The following GRK5 variants were observed in gnomAD, a reference collection of about 807,000 sequenced individuals.
The protein encoded by GRK5 is G protein-coupled receptor kinase 5.
GRK5 carries 40 observed loss-of-function variants against 78.4 expected under a neutral mutation model. That is an observed-to-expected ratio of 0.51 (90% CI 0.40 to 0.66). The LOEUF (loss-of-function observed/expected upper bound fraction) is 0.66, where lower values mean the gene tolerates loss of function less well. GRK5 is among the 30% of genes least tolerant of loss of function. The pLI is 0.00. For missense variants in GRK5, 598 were observed against 759.9 expected (o/e 0.79, Z 2.50); for synonymous variants, 289 against 296.8 (o/e 0.97, Z 0.27).
At chr10:119,251,103 C>CT (rs58446179) in intron 1 of GRK5, among the ~76,000 whole-genome samples, 3,258 of 148,758 alleles carry the variant, frequency 0.022, 54 homozygotes, top group Admixed American at 0.055. Context: ...CCTCCCCTCA[C>CT]TTTTTTTTTT....
At chr10:119,245,534 A>AGCTTCTTCT (rs781597837) in intron 1 of GRK5, among the ~76,000 whole-genome samples, 3 of 152,214 alleles carry the variant, frequency 2.0e-5, no homozygotes, top group Non-Finnish European at 2.9e-5. Context: ...CAGAAGAACA[A>AGCTTCTTCT]ATAATGCACA....
intron 2 of GRK5, among the ~76,000 whole-genome samples, chr10:119,335,350 C>T (rs1189684385): frequency 1.3e-5 from 2 of 152,022 alleles, no homozygotes; most frequent in Non-Finnish European, 2.9e-5. Context: ...AGCCACTCTG[C>T]CCAACTGCCA....
chr10:119,442,176 C>G (rs1461617942), intron 11 of GRK5, 88 bp downstream of exon 11: 5 of 1,002,382 alleles, frequency 5.0e-6, no homozygotes, highest in Admixed American at 1.8e-5. Flanking sequence ...CCCGCAGAGC[C>G]TCTCGCCTCT....
intron 1 of GRK5, among the ~76,000 whole-genome samples, chr10:119,248,151 A>C (rs1849143938): frequency 6.6e-6 from 1 of 152,156 alleles, no homozygotes; most frequent in Non-Finnish European, 1.5e-5. Flanking sequence ...AGCTGGGACT[A>C]TAGGCATGTA....
intron 1 of GRK5, among the ~76,000 whole-genome samples, chr10:119,209,492 T>TG (rs1464868396): frequency 5.5e-5 from 3 of 54,440 alleles, no homozygotes; most frequent in Admixed American, 1.4e-4. Flanking sequence ...GTGTGGTTTT[T>TG]TTTTTTTTTT....
At chr10:119,444,416 A>AC (rs1853103113) in intron 12 of GRK5, among the ~76,000 whole-genome samples, 1 of 151,824 alleles carries the variant, frequency 6.6e-6, no homozygotes, top group Non-Finnish European at 1.5e-5. Context: ...CCGCCCGTGC[A>AC]CCCCTGCCAC....
chr10:119,265,385 T>A (rs1180545255), intron 1 of GRK5, among the ~76,000 whole-genome samples: 3 of 152,156 alleles, frequency 2.0e-5, no homozygotes, highest in African/African-American at 7.2e-5. Flanking sequence ...ATTCATTTGT[T>A]GAAGCCCTAA....
chr10:119,225,384 T>C (rs1409344548), intron 1 of GRK5, among the ~76,000 whole-genome samples: 1 of 152,146 alleles, frequency 6.6e-6, no homozygotes, highest in Non-Finnish European at 1.5e-5. Context: ...GGGGTGGAAA[T>C]ATTGCCATGT....
At chr10:119,417,062 G>A (rs1156751721) in intron 4 of GRK5, among the ~76,000 whole-genome samples, 2 of 152,214 alleles carry the variant, frequency 1.3e-5, no homozygotes, top group African/African-American at 4.8e-5. Context: ...GGAAGCAATG[G>A]CACCACCTTG....
At chr10:119,401,404 C>A (rs896601914) in intron 4 of GRK5, among the ~76,000 whole-genome samples, 2 of 152,174 alleles carry the variant, frequency 1.3e-5, no homozygotes, top group African/African-American at 4.8e-5. Context: ...TGTTACAGGG[C>A]AACAGCCAAG....
intron 2 of GRK5, among the ~76,000 whole-genome samples, chr10:119,354,631 G>A (rs1444986878): frequency 6.6e-6 from 1 of 152,034 alleles, no homozygotes; most frequent in Non-Finnish European, 1.5e-5. Context: ...CAAACTCCTA[G>A]GCTCAAGTGA....
At chr10:119,239,689 AC>A (rs990243261) in intron 1 of GRK5, among the ~76,000 whole-genome samples, 2 of 76,970 alleles carry the variant, frequency 2.6e-5, no homozygotes, top group Non-Finnish European at 5.3e-5. Flanking sequence ...CTAGCCCCCC[AC>A]CCCCTAATAA....
chr10:119,441,718 T>C (rs1234627350), intron 10 of GRK5, among the ~76,000 whole-genome samples: 1 of 152,218 alleles, frequency 6.6e-6, no homozygotes, highest in African/African-American at 2.4e-5. Context: ...GGAAGCCCAT[T>C]CAGCCTTTGA....
chr10:119,372,774 A>G (rs1343328104), intron 2 of GRK5, among the ~76,000 whole-genome samples: 1 of 152,028 alleles, frequency 6.6e-6, no homozygotes, highest in East Asian at 1.9e-4. Flanking sequence ...AAGGCTTCAA[A>G]TAAAGAAAAA....
At chr10:119,218,394 T>C (rs1353601635) in intron 1 of GRK5, among the ~76,000 whole-genome samples, 2 of 152,138 alleles carry the variant, frequency 1.3e-5, no homozygotes, top group Non-Finnish European at 2.9e-5. Flanking sequence ...GCTCTGCAAG[T>C]CTGATAAAAA....
At chr10:119,447,125 G>A (rs1162010323) in intron 12 of GRK5, among the ~76,000 whole-genome samples, 1 of 152,206 alleles carries the variant, frequency 6.6e-6, no homozygotes, top group Non-Finnish European at 1.5e-5. Context: ...TCGTGTGGCT[G>A]GCCATGGCTA....
chr10:119,351,756 C>T (rs76662399), intron 2 of GRK5, among the ~76,000 whole-genome samples: 5,608 of 152,242 alleles, frequency 0.037, 199 homozygotes, highest in Admixed American at 0.092. Context: ...AGGGGCTTTA[C>T]CTCTGTTCTC....
chr10:119,423,156 C>T lies in GRK5; in HGVS notation c.340-10C>T, dbSNP rs747729423. On this transcript the variant is annotated splice_polypyrimidine_tract_variant and intron_variant, in intron 4 of 15. Coordinates refer to ENST00000392870, the MANE Select transcript of GRK5 (RefSeq NM_005308.3). Reference sequence around the variant, plus strand: ...CTCACTGACCACCTCCCTTCCCTTCCTTCTTCCAGTCCCCTGTTTTCATAG... The same window carrying T: ...CTCACTGACCACCTCCCTTCCCTTCTTTCTTCCAGTCCCCTGTTTTCATAG... The T allele has an allele frequency of 6.3e-7, 1 of 1,598,778 alleles. No individual in the cohort carries two copies. The highest frequency in any genetic ancestry group is 1.7e-5 in the Admixed American group (1 of 60,002).
At chr10:119,441,959 G>C (rs1251152593) in intron 10 of GRK5, 40 bp from the exon 11 acceptor site, 1 of 1,548,948 alleles carries the variant, frequency 6.5e-7, no homozygotes, top group Non-Finnish European at 8.9e-7. Flanking sequence ...GTGCCCATGC[G>C]GCTGTCCCAG....
Sources: allele counts gnomAD v4.1 joint callset (sites outside exome capture counted in the v4.1 genomes callset), GRCh38; gene constraint gnomAD v4.1.1; transcripts MANE v1.5; gene names NCBI Gene and HGNC (gene_info 2026-07-23, HGNC 2026-07-21).